PUS10: variants seen among roughly 807,000 people sequenced by gnomAD.
PUS10 encodes the protein tRNA pseudouridine synthase Pus10.
A neutral mutation model predicts 75.0 loss-of-function variants in PUS10; 59 were observed. That is an observed-to-expected ratio of 0.79 (90% CI 0.64 to 0.98). The LOEUF is 0.98. PUS10 is among the 50% of genes least tolerant of loss of function. The probability of loss-of-function intolerance (pLI) is 0.00; values close to 1 mark genes in which losing one functional copy is unlikely to be tolerated. For synonymous variants in PUS10, 219 were observed against 211.6 expected (o/e 1.03, Z -0.30); for missense variants, 650 against 614.4 (o/e 1.06, Z -0.61).
intron 3 of PUS10, among the ~76,000 whole-genome samples, chr2:61,008,259 C>T (rs1679368479): frequency 6.6e-6 from 1 of 151,988 alleles, no homozygotes; most frequent in Admixed American, 6.6e-5. Context: ...CACAGTGGCT[C>T]ATGTCTGTAA....
intron 4 of PUS10, 121 bp from the exon 5 acceptor site, chr2:60,971,678 G>A: frequency 2.3e-6 from 2 of 872,828 alleles, no homozygotes; most frequent in South Asian, 1.5e-5. Flanking sequence ...CTTTTTAGGT[G>A]ACGAGTTAGT....
At chr2:60,984,785 T>A (rs1421442047) in intron 4 of PUS10, among the ~76,000 whole-genome samples, 1 of 152,198 alleles carries the variant, frequency 6.6e-6, no homozygotes, top group African/African-American at 2.4e-5. Flanking sequence ...TGTCAATGGT[T>A]GTTGCAAGGT....
intron 4 of PUS10, among the ~76,000 whole-genome samples, chr2:60,972,272 G>A (rs1292610680): frequency 6.7e-5 from 10 of 150,174 alleles, no homozygotes; most frequent in African/African-American, 2.4e-4. Flanking sequence ...GACCATCCTG[G>A]CTAACACGGT....
chr2:60,987,541 G>A (rs1023402620), intron 4 of PUS10, among the ~76,000 whole-genome samples: 3 of 152,224 alleles, frequency 2.0e-5, no homozygotes, highest in African/African-American at 7.2e-5. Flanking sequence ...GCTTTGGTGT[G>A]TGGGAAATTT....
At chr2:60,952,962 A>G (rs1053277203) in intron 15 of PUS10, 35 bp downstream of exon 15, 4 of 1,141,972 alleles carry the variant, frequency 3.5e-6, no homozygotes, top group Non-Finnish European at 5.3e-6. Context: ...GGCAACAGAA[A>G]AATGAAATAA....
At chr2:60,993,705 G>A (rs1356684654) in intron 4 of PUS10, among the ~76,000 whole-genome samples, 1 of 152,064 alleles carries the variant, frequency 6.6e-6, no homozygotes, top group Non-Finnish European at 1.5e-5. Flanking sequence ...TTATTTAAAA[G>A]GGAAGATTTG....
chr2:60,988,240 C>T (rs1677846417), intron 4 of PUS10, among the ~76,000 whole-genome samples: 2 of 152,144 alleles, frequency 1.3e-5, no homozygotes, highest in South Asian at 4.1e-4. Flanking sequence ...AACTACTCCT[C>T]CATTACATAA....
chr2:60,967,411 A>G (rs1364518247), intron 6 of PUS10, 91 bp downstream of exon 6: 1 of 790,334 alleles, frequency 1.3e-6, no homozygotes, highest in East Asian at 2.8e-5. Context: ...ATTTAAAAAG[A>G]AGTTTTTTTG....
intron 3 of PUS10, among the ~76,000 whole-genome samples, chr2:61,008,066 G>C (rs1011559782): frequency 1.3e-5 from 2 of 149,716 alleles, no homozygotes; most frequent in African/African-American, 4.9e-5. Context: ...AACAGAGCGA[G>C]ACTCTGTCTC....
chr2:61,003,748 G>A (rs1423094073), intron 4 of PUS10, among the ~76,000 whole-genome samples: 1 of 151,892 alleles, frequency 6.6e-6, no homozygotes, highest in Non-Finnish European at 1.5e-5. Flanking sequence ...GTCTCACTGT[G>A]TTGCCCAGGC....
Position 61,017,706 on chromosome 2 carries a change from A to G in PUS10, c.-16+302T>C, listed in dbSNP as rs190667302. 56 of 1,437,670 alleles carry G rather than the reference A, an allele frequency of 3.9e-5. No individual in the cohort carries two copies. In the Admixed American group the frequency reaches 1.0e-3, roughly 27 times the overall value. The allele number at this position is 1,437,670 out of a possible 1,614,324, so 89.1% of individuals were successfully genotyped here. On this transcript the variant is annotated intron_variant, in intron 1 of 17. Coordinates refer to ENST00000316752, the MANE Select transcript of PUS10 (RefSeq NM_144709.4). ...TGTCTTACGCTCCAGGTGCTGGTCT[A>G]CGCGGGCCTGGACAGTCAGGGGTAG...
chr2:60,978,409 G>T, intron 4 of PUS10, among the ~76,000 whole-genome samples: 1 of 134,510 alleles, frequency 7.4e-6, no homozygotes, highest in South Asian at 2.3e-4. Context: ...GCAACAGAGT[G>T]AGACTCCATC....
intron 7 of PUS10, 108 bp downstream of exon 7, chr2:60,965,315 T>A (rs1676269898): frequency 9.5e-7 from 1 of 1,049,320 alleles, no homozygotes; most frequent in East Asian, 2.4e-5. Flanking sequence ...TACTAAGACA[T>A]AACAAGTTCT....
chr2:61,017,855 A>C, intron 1 of PUS10, 153 bp downstream of exon 1: 1 of 1,550,208 alleles, frequency 6.5e-7, no homozygotes, highest in Non-Finnish European at 8.7e-7. Context: ...CTTTCCAGTG[A>C]GTGTGGGATT....
At position 60,965,410 on chromosome 2, in the gene PUS10, C is replaced by T. The variant is rs370382033; in HGVS notation, c.677+13G>A. 240 of 1,603,674 alleles carry T rather than the reference C, an allele frequency of 1.5e-4. No individual in the cohort carries two copies. The highest frequency in any genetic ancestry group is 2.3e-4 in the South Asian group (21 of 90,370). The stretch of plus-strand genomic sequence containing the variant: ...AATTTTACACCATTGACGTTGTTTA[C>T]ATGGCAACTTACAGGAAGTGGCAAT... On this transcript the variant is annotated intron_variant, in intron 7 of 17. Coordinates refer to ENST00000316752, the MANE Select transcript of PUS10 (RefSeq NM_144709.4).
intron 1 of PUS10, chr2:61,017,607 G>T: frequency 1.7e-6 from 1 of 594,384 alleles, no homozygotes; most frequent in South Asian, 2.1e-5. Context: ...TATGGATTCA[G>T]CTGGCAAAGT....
intron 4 of PUS10, among the ~76,000 whole-genome samples, chr2:60,999,902 A>T (rs1338862862): frequency 6.6e-6 from 1 of 152,228 alleles, no homozygotes; most frequent in East Asian, 1.9e-4. Context: ...CTATTTACAT[A>T]GCACCCACAT....
intron 11 of PUS10, among the ~76,000 whole-genome samples, chr2:60,959,432 C>A (rs1167372552): frequency 6.6e-6 from 1 of 152,184 alleles, no homozygotes; most frequent in Non-Finnish European, 1.5e-5. Context: ...ACTCTTTCGT[C>A]CAGGCTGGAG....
chr2:61,009,141 A>G (rs1679440376), intron 2 of PUS10, 126 bp from the exon 3 acceptor site: 2 of 799,222 alleles, frequency 2.5e-6, no homozygotes, highest in South Asian at 2.0e-5. Flanking sequence ...ATGTTGACAT[A>G]TCAATTCTGA....
Sources: gnomAD v4.1 joint callset for allele counts (sites outside exome capture counted in the v4.1 genomes callset) on GRCh38, gnomAD v4.1.1 for gene constraint, MANE v1.5 for transcripts, NCBI Gene and HGNC (gene_info 2026-07-23, HGNC 2026-07-21) for gene names.